Variants in CDK13 observed in about 807,000 individuals in gnomAD.
CDK13 encodes the protein cyclin-dependent kinase 13.
In CDK13, 40 loss-of-function variants were observed where a neutral mutation model predicts 137.6. The observed-to-expected ratio is 0.29, with a 90% confidence interval of 0.23 to 0.38. CDK13 has a LOEUF of 0.38. Ranked by LOEUF, CDK13 falls within the 10% of genes least tolerant of loss-of-function variation. The pLI is 1.00. For synonymous variants in CDK13, 869 were observed against 760.1 expected (o/e 1.14, Z -2.36); for missense variants, 1,704 against 1,951.8 (o/e 0.87, Z 2.39).
At chr7:39,994,211 T>C (rs1784516755) in intron 2 of CDK13, among the ~76,000 whole-genome samples, 1 of 152,148 alleles carries the variant, frequency 6.6e-6, no homozygotes, top group African/African-American at 2.4e-5. Flanking sequence ...TCTAGTCAAA[T>C]CTATTATTCT....
chr7:39,980,336 T>C (rs527571257), intron 1 of CDK13, among the ~76,000 whole-genome samples: 21 of 152,318 alleles, frequency 1.4e-4, no homozygotes, highest in African/African-American at 5.1e-4. Context: ...CTGGTGAGAA[T>C]AGTATTTTGC....
intron 9 of CDK13, chr7:40,071,435 GC>G (rs1414229764): frequency 6.6e-6 from 1 of 152,118 alleles, no homozygotes; most frequent in Non-Finnish European, 1.5e-5. Context: ...GTTTTCAATA[GC>G]CTTTTTGGAT....
chr7:40,000,681 A>G (rs554205627), intron 4 of CDK13, among the ~76,000 whole-genome samples: 62 of 152,386 alleles, frequency 4.1e-4, no homozygotes, highest in African/African-American at 1.5e-3. Flanking sequence ...TGTGTTATCA[A>G]AAAGATTAAA....
At position 39,976,323 on chromosome 7, in the gene CDK13, T is replaced by TCACACACACACA. The variant is rs764395925; in HGVS notation, c.1212-11251_1212-11240dup. Among the ~76,000 whole-genome samples, 82 of 39,556 alleles carry TCACACACACACA rather than the reference T, an allele frequency of 2.1e-3. 1 individual carries two copies. The highest frequency in any genetic ancestry group is 2.5e-3 in the African/African-American group (36 of 14,608). 26.0% of individuals were successfully genotyped at this position (39,556 alleles called of 152,430 possible). ...CTCTCTCTCTCTCTCTCTCTCTCTC[T>TCACACACACACA]CACACACACACACACACACACACAC... On this transcript the variant is annotated intron_variant, in intron 1 of 13. Transcript: ENST00000181839.
chr7:40,020,259 G>A (rs1373016614), intron 5 of CDK13, among the ~76,000 whole-genome samples: 2 of 151,844 alleles, frequency 1.3e-5, no homozygotes, highest in Admixed American at 1.3e-4. Context: ...GTAGAGATGG[G>A]GTTTCTCTGT....
intron 9 of CDK13, 109 bp from the exon 10 acceptor site, chr7:40,077,896 C>A (rs1394092701): frequency 3.7e-6 from 2 of 537,290 alleles, no homozygotes; most frequent in Non-Finnish European, 6.6e-6. Flanking sequence ...TTTTATAGAC[C>A]AAGGCTTCAA....
Position 40,094,347 on chromosome 7 carries a change from G to A in CDK13, c.3906G>A (p.Leu1302=), listed in dbSNP as rs374754429. 2 of 1,613,790 alleles carry A rather than the reference G, an allele frequency of 1.2e-6. No homozygotes were observed. Among genetic ancestry groups the A allele is most frequent in the African/African-American group, 2.7e-5 (2 of 74,852 alleles). ...TDPHAGVKAA[L]LQLLAQHQPQ... ...CTCATGCCGGAGTGAAGGCAGCCCT[G>A]TTACAGCTGCTTGCTCAGCATCAGC... Residue 1302 remains leucine, a synonymous_variant, in exon 14 of 14, where the codon CTG becomes CTA. Transcript: ENST00000181839.
At chr7:40,007,311 A>G (rs1039962197) in intron 5 of CDK13, among the ~76,000 whole-genome samples, 1 of 152,204 alleles carries the variant, frequency 6.6e-6, no homozygotes, top group African/African-American at 2.4e-5. Context: ...AAGTCCTCAC[A>G]TGTCACTCCC....
At position 40,004,455 on chromosome 7, in the gene CDK13, A is replaced by G. The variant is rs1420929124; in HGVS notation, c.2353+2424A>G. 2.0e-5 allele frequency among the ~76,000 whole-genome samples: 3 copies of G among 152,226 alleles called. No homozygotes were observed. The East Asian group carries it at 5.8e-4, about 29-fold the overall frequency. On this transcript the variant is annotated intron_variant, in intron 5 of 13. Coordinates refer to ENST00000181839, the MANE Select transcript of CDK13 (RefSeq NM_003718.5). ...TAGGTACCTAGAATTACTTAAATGC[A>G]TTAGAGAATGTGAGAGGTTATAAAA...
chr7:39,963,300 T>C (rs1212012282), intron 1 of CDK13, among the ~76,000 whole-genome samples: 3 of 152,236 alleles, frequency 2.0e-5, no homozygotes, highest in Admixed American at 6.5e-5. Context: ...TTTATTTCAT[T>C]GAGCAGTAGT....
intron 2 of CDK13, among the ~76,000 whole-genome samples, chr7:39,996,388 C>T (rs866317749): frequency 4.6e-5 from 7 of 152,124 alleles, no homozygotes; most frequent in South Asian, 2.1e-4. Flanking sequence ...AGATGACAGA[C>T]TTTGTCATAT....
chr7:39,962,167 G>C (rs940879244), intron 1 of CDK13, among the ~76,000 whole-genome samples: 1 of 152,184 alleles, frequency 6.6e-6, no homozygotes, highest in African/African-American at 2.4e-5. Context: ...TGGGATTGCT[G>C]GGTCAAATGG....
intron 5 of CDK13, among the ~76,000 whole-genome samples, chr7:40,027,372 T>C (rs1174863148): frequency 1.6e-4 from 25 of 152,096 alleles, no homozygotes; most frequent in Admixed American, 1.6e-3. Context: ...CAAAAAAACT[T>C]TTATTTAACC....
chr7:40,008,238 T>C lies in CDK13; in HGVS notation c.2353+6207T>C, dbSNP rs113035795. 6.2e-3 allele frequency among the ~76,000 whole-genome samples: 951 copies of C among 152,336 alleles called. 13 individuals carry two copies. Among genetic ancestry groups the C allele is most frequent in the African/African-American group, 0.021 (879 of 41,572 alleles). Reference sequence around the variant, plus strand: ...ATGTAGCTATTTAAGTTAATTAGTATTACATAAAATCAAAAGTTTAGTTCT... The same window carrying C: ...ATGTAGCTATTTAAGTTAATTAGTACTACATAAAATCAAAAGTTTAGTTCT... On this transcript the variant is annotated intron_variant, in intron 5 of 13. Coordinates refer to ENST00000181839, the MANE Select transcript of CDK13 (RefSeq NM_003718.5).
chr7:39,976,318 C>CTG (rs1187167689), intron 1 of CDK13, among the ~76,000 whole-genome samples: 1 of 111,274 alleles, frequency 9.0e-6, no homozygotes, highest in Non-Finnish European at 1.9e-5. Flanking sequence ...CTCTCTCTCT[C>CTG]TCTCTCACAC....
intron 1 of CDK13, chr7:39,984,541 A>G (rs1235002397): frequency 1.3e-5 from 2 of 152,124 alleles, no homozygotes; most frequent in Non-Finnish European, 2.9e-5. Flanking sequence ...AGATATTTTG[A>G]TACAGGCATG....
rs73688952 is a variant in CDK13, at chr7:40,028,022, A to T, written c.2354-17814A>T. Among the ~76,000 whole-genome samples the T allele has an allele frequency of 4.8e-3, 654 of 135,506 alleles. 6 individuals are homozygous for T. Among genetic ancestry groups the T allele is most frequent in the East Asian group, 0.036 (183 of 5,058 alleles). The allele number at this position is 135,506 out of a possible 152,430, so 88.9% of individuals were successfully genotyped here. On this transcript the variant is annotated intron_variant, in intron 5 of 13. Transcript: ENST00000181839. ...ATTAACCTTGTTTTTTTTTTTTTTT[A>T]AATTAGTGTACATTGGGTTTTCTGT...
chr7:39,959,528 G>A (rs941590083), intron 1 of CDK13, among the ~76,000 whole-genome samples: 1 of 151,334 alleles, frequency 6.6e-6, no homozygotes, highest in Non-Finnish European at 1.5e-5. Context: ...GAGTGCAGTG[G>A]CACCATCTGC....
intron 5 of CDK13, among the ~76,000 whole-genome samples, chr7:40,036,527 G>T (rs184569992): frequency 6.6e-6 from 1 of 152,028 alleles, no homozygotes; most frequent in African/African-American, 2.4e-5. Flanking sequence ...AGTTGAGATC[G>T]TGCACTGTAC....
Sources: allele counts gnomAD v4.1 joint callset (sites outside exome capture counted in the v4.1 genomes callset), GRCh38; gene constraint gnomAD v4.1.1; transcripts MANE v1.5; gene names NCBI Gene and HGNC (gene_info 2026-07-23, HGNC 2026-07-21).